Variants in SEZ6L observed in about 807,000 individuals in gnomAD.
SEZ6L encodes the protein seizure 6-like protein.
Under a neutral mutation model 106.2 loss-of-function variants are expected in SEZ6L, and 37 were observed. The ratio of observed to expected loss-of-function variants is 0.35; its 90% confidence interval spans 0.27 to 0.46. SEZ6L has a LOEUF of 0.46. Among genes scored for constraint, SEZ6L ranks in the 20% least tolerant of loss-of-function variants. SEZ6L has a pLI of 1.00. For synonymous variants in SEZ6L, 541 were observed against 570.4 expected (o/e 0.95, Z 0.73); for missense variants, 1,172 against 1,332.8 (o/e 0.88, Z 1.88).
intron 12 of SEZ6L, among the ~76,000 whole-genome samples, chr22:26,361,099 A>G (rs754132834): frequency 1.3e-5 from 2 of 152,104 alleles, no homozygotes; most frequent in Non-Finnish European, 2.9e-5. Context: ...AAAAATTAAA[A>G]CTGACATGTG....
chr22:26,377,876 C>A, intron 16 of SEZ6L, 101 bp downstream of exon 16: 1 of 894,752 alleles, frequency 1.1e-6, no homozygotes, highest in Non-Finnish European at 1.8e-6. Flanking sequence ...TCACAAGAGG[C>A]ACAGCCAGTG....
Position 26,331,470 on chromosome 22 carries a change from T to C in SEZ6L, c.2016-8966T>C, listed in dbSNP as rs573330691. Among the ~76,000 whole-genome samples the C allele has an allele frequency of 8.5e-5, 13 of 152,336 alleles. No individual in the cohort carries two copies. In the South Asian group the frequency reaches 2.5e-3, roughly 29 times the overall value. On this transcript the variant is annotated intron_variant, in intron 9 of 16. Transcript: ENST00000248933. ...CTCCCTAGAGGCAATTACTTTCTTATGTATCTTACATATCCTTCCCCAGAT... is the reference window on the plus strand; with the variant it reads ...CTCCCTAGAGGCAATTACTTTCTTACGTATCTTACATATCCTTCCCCAGAT...
At chr22:26,264,857 T>C (rs2080125677) in intron 1 of SEZ6L, among the ~76,000 whole-genome samples, 1 of 152,220 alleles carries the variant, frequency 6.6e-6, no homozygotes, top group African/African-American at 2.4e-5. Context: ...ATGTGAAGTT[T>C]GGAGTTTTAA....
At chr22:26,279,862 T>C (rs1489626018) in intron 1 of SEZ6L, among the ~76,000 whole-genome samples, 1 of 152,200 alleles carries the variant, frequency 6.6e-6, no homozygotes, top group Non-Finnish European at 1.5e-5. Context: ...CCCACGGAAA[T>C]GTGAGAGCAG....
intron 1 of SEZ6L, among the ~76,000 whole-genome samples, chr22:26,261,434 T>C (rs1210019117): frequency 6.6e-6 from 1 of 152,240 alleles, no homozygotes; most frequent in Non-Finnish European, 1.5e-5. Flanking sequence ...GGATCCAGTT[T>C]CATTCTCCTA....
intron 15 of SEZ6L, among the ~76,000 whole-genome samples, chr22:26,376,610 A>C (rs1443339045): frequency 3.9e-5 from 6 of 152,148 alleles, no homozygotes; most frequent in African/African-American, 1.4e-4. Flanking sequence ...TAGCCTGGGC[A>C]TGGTGGTGGG....
intron 12 of SEZ6L, among the ~76,000 whole-genome samples, chr22:26,356,394 C>G: frequency 6.6e-6 from 1 of 152,024 alleles, no homozygotes; most frequent in East Asian, 1.9e-4. Flanking sequence ...GTAATCCTAG[C>G]ACTTTGGGAG....
intron 1 of SEZ6L, among the ~76,000 whole-genome samples, chr22:26,290,414 C>T (rs1163886715): frequency 6.6e-6 from 1 of 152,152 alleles, no homozygotes; most frequent in African/African-American, 2.4e-5. Flanking sequence ...CACCTGTGGT[C>T]CCAGCTGCTC....
intron 1 of SEZ6L, among the ~76,000 whole-genome samples, chr22:26,181,342 C>A (rs1569357924): frequency 6.6e-6 from 1 of 152,196 alleles, no homozygotes; most frequent in Non-Finnish European, 1.5e-5. Context: ...ACCTTCTATG[C>A]CCCCTTTTAA....
chr22:26,225,952 G>A (rs1429405811), intron 1 of SEZ6L, among the ~76,000 whole-genome samples: 1 of 152,116 alleles, frequency 6.6e-6, no homozygotes, highest in East Asian at 1.9e-4. Flanking sequence ...ACAAAAACTT[G>A]GAAGTCATCC....
intron 1 of SEZ6L, among the ~76,000 whole-genome samples, chr22:26,206,705 C>T (rs1052962375): frequency 5.3e-5 from 8 of 152,136 alleles, no homozygotes; most frequent in African/African-American, 7.2e-5. Context: ...TTACCTCTAG[C>T]GTAGATAATC....
chr22:26,321,468 A>T (rs1319484617), intron 9 of SEZ6L, among the ~76,000 whole-genome samples: 1 of 152,166 alleles, frequency 6.6e-6, no homozygotes, highest in Non-Finnish European at 1.5e-5. Flanking sequence ...AAAGAGATTA[A>T]AGCTTTGCAG....
At chr22:26,230,510 T>C (rs960226949) in intron 1 of SEZ6L, among the ~76,000 whole-genome samples, 4 of 152,184 alleles carry the variant, frequency 2.6e-5, no homozygotes, top group African/African-American at 9.7e-5. Flanking sequence ...GTTCCTGCTT[T>C]TGTGGTCCTT....
At chr22:26,230,331 CAAG>C (rs1354572088) in intron 1 of SEZ6L, among the ~76,000 whole-genome samples, 2 of 146,866 alleles carry the variant, frequency 1.4e-5, no homozygotes, top group Non-Finnish European at 3.0e-5. Context: ...AAAAAAAAAA[CAAG>C]AAGAAGTTTC....
chr22:26,224,336 C>CA (rs1316140227), intron 1 of SEZ6L, among the ~76,000 whole-genome samples: 2 of 152,192 alleles, frequency 1.3e-5, no homozygotes, highest in Admixed American at 6.5e-5. Context: ...AACTAGGAGT[C>CA]AGCCTGGCAG....
At chr22:26,237,168 G>A (rs1363109478) in intron 1 of SEZ6L, among the ~76,000 whole-genome samples, 2 of 152,176 alleles carry the variant, frequency 1.3e-5, no homozygotes, top group East Asian at 3.8e-4. Flanking sequence ...GTCAAACAAG[G>A]ATAATCAAGT....
intron 5 of SEZ6L, among the ~76,000 whole-genome samples, chr22:26,300,059 A>G (rs2081406052): frequency 6.6e-6 from 1 of 151,906 alleles, no homozygotes; most frequent in East Asian, 1.9e-4. Flanking sequence ...TTTAGTTTCC[A>G]TTTCCCTGAT....
At chr22:26,344,744 T>A (rs2082953852) in intron 10 of SEZ6L, among the ~76,000 whole-genome samples, 1 of 152,212 alleles carries the variant, frequency 6.6e-6, no homozygotes, top group African/African-American at 2.4e-5. Context: ...TCCATCTAAC[T>A]CATCTTAGTG....
intron 1 of SEZ6L, among the ~76,000 whole-genome samples, chr22:26,231,954 G>A (rs1448187240): frequency 6.6e-6 from 1 of 152,184 alleles, no homozygotes; most frequent in Non-Finnish European, 1.5e-5. Flanking sequence ...AAGTGGAGGG[G>A]AAGGCTACCT....
Sources: allele counts gnomAD v4.1 joint callset (sites outside exome capture counted in the v4.1 genomes callset), GRCh38; gene constraint gnomAD v4.1.1; transcripts MANE v1.5; gene names NCBI Gene and HGNC (gene_info 2026-07-23, HGNC 2026-07-21).